STYK1: variants seen among roughly 807,000 people sequenced by gnomAD.
STYK1 encodes STY kinase 1.
STYK1 carries 46 observed loss-of-function variants against 48.1 expected under a neutral mutation model. The ratio of observed to expected loss-of-function variants is 0.96; its 90% CI spans 0.75 to 1.22. The LOEUF is 1.22. STYK1 is among the 50% of genes most tolerant of loss of function. The pLI is 0.00. For missense variants in STYK1, 527 were observed against 521.1 expected, an observed-to-expected ratio of 1.01 and a Z score of -0.11; for synonymous variants, 188 against 189.0, an observed-to-expected ratio of 0.99 and a Z score of 0.04.
chr12:10,671,031 T>C (rs953179850), intron 1 of STYK1, among the ~76,000 whole-genome samples: 1 of 137,058 alleles, frequency 7.3e-6, no homozygotes, highest in East Asian at 2.3e-4. Context: ...AGTCTGGCTC[T>C]GTCGCCCAGG....
intron 1 of STYK1, among the ~76,000 whole-genome samples, chr12:10,656,582 G>A (rs1031761572): frequency 5.3e-5 from 8 of 152,168 alleles, no homozygotes; most frequent in Middle Eastern, 6.8e-3. Flanking sequence ...CCGAGATCAC[G>A]TCACTGCACT....
At chr12:10,655,076 C>T (rs182447918) in intron 1 of STYK1, among the ~76,000 whole-genome samples, 1 of 152,112 alleles carries the variant, frequency 6.6e-6, no homozygotes, top group Non-Finnish European at 1.5e-5. Flanking sequence ...TCTCTTGCAA[C>T]GTTTTAATTA....
intron 4 of STYK1, among the ~76,000 whole-genome samples, chr12:10,633,469 G>A (rs1947451218): frequency 6.6e-6 from 1 of 152,126 alleles, no homozygotes. Context: ...TTTACCCTGA[G>A]TTTCATCTGT....
intron 1 of STYK1, among the ~76,000 whole-genome samples, chr12:10,665,042 G>A (rs538701673): frequency 2.0e-5 from 3 of 152,176 alleles, no homozygotes; most frequent in Middle Eastern, 3.2e-3. Flanking sequence ...TAATTAGACT[G>A]TCCCTAAGTA....
intron 4 of STYK1, among the ~76,000 whole-genome samples, chr12:10,631,626 T>C (rs1947430351): frequency 6.6e-6 from 1 of 152,210 alleles, no homozygotes; most frequent in Non-Finnish European, 1.5e-5. Flanking sequence ...GGGAAGTTAC[T>C]GAATAGGTAT....
chr12:10,653,236 C>T (rs915648842), intron 1 of STYK1, among the ~76,000 whole-genome samples: 30 of 104,134 alleles, frequency 2.9e-4, no homozygotes, highest in African/African-American at 7.8e-4. Flanking sequence ...CCATGCCCAG[C>T]TAATTTTTTT....
Position 10,624,754 on chromosome 12 carries a change from C to A in STYK1, c.823G>T (p.Glu275Ter). 1 of 1,614,112 alleles carries A rather than the reference C, an allele frequency of 6.2e-7. No individual in the cohort carries two copies. The highest frequency in any genetic ancestry group is 2.2e-5 in the East Asian group (1 of 44,850). Residue 275 changes from glutamate to a stop codon, truncating the protein, a stop_gained, in exon 8 of 11, where the codon GAA (glutamate) becomes TAA (stop). Coordinates refer to ENST00000075503, the MANE Select transcript of STYK1 (RefSeq NM_018423.3). LOFTEE classifies it high-confidence loss of function. Reference sequence around the variant, plus strand: ...GAGATGGCCCCTCGGGTGTAAACTTCATAAGCCAGGCCTAATCCACAGAGC... The same window carrying A: ...GAGATGGCCCCTCGGGTGTAAACTTAATAAGCCAGGCCTAATCCACAGAGC... ...AKLCGLGLAY[E>*]VYTRGAISST...
At chr12:10,652,084 T>C (rs73265915) in intron 1 of STYK1, among the ~76,000 whole-genome samples, 2,265 of 152,316 alleles carry the variant, frequency 0.015, 63 homozygotes, top group African/African-American at 0.052. Context: ...AGGAACCAGG[T>C]ATTGAGATTT....
chr12:10,636,313 T>C (rs1947485183), intron 2 of STYK1, among the ~76,000 whole-genome samples: 1 of 152,214 alleles, frequency 6.6e-6, no homozygotes, highest in Non-Finnish European at 1.5e-5. Flanking sequence ...GAAACAAAAC[T>C]GTGCAGTTGG....
chr12:10,652,267 A>T (rs946669078), intron 1 of STYK1, among the ~76,000 whole-genome samples: 3 of 152,014 alleles, frequency 2.0e-5, no homozygotes, highest in Admixed American at 6.5e-5. Context: ...TCTCACACAC[A>T]TTCTTTCTCT....
chr12:10,636,850 T>C (rs925693138), intron 2 of STYK1, among the ~76,000 whole-genome samples: 2 of 152,174 alleles, frequency 1.3e-5, no homozygotes, highest in African/African-American at 2.4e-5. Context: ...CTCAGACTCA[T>C]GAGCTCGGCC....
intron 3 of STYK1, 141 bp from the exon 4 acceptor site, chr12:10,634,265 C>T (rs1947461802): frequency 9.7e-7 from 1 of 1,027,654 alleles, no homozygotes; most frequent in East Asian, 2.4e-5. Context: ...TTCCATTCAA[C>T]AGAAACACTG....
intron 4 of STYK1, among the ~76,000 whole-genome samples, chr12:10,632,521 A>G (rs1363148143): frequency 6.6e-6 from 1 of 152,158 alleles, no homozygotes; most frequent in Non-Finnish European, 1.5e-5. Context: ...AGGCCATGGA[A>G]AAAATTTTGT....
chr12:10,620,305 G>A lies in STYK1; in HGVS notation c.1108C>T (p.Arg370Cys), dbSNP rs775598308. 6 of 1,613,578 alleles carry A rather than the reference G, an allele frequency of 3.7e-6. No individual in the cohort carries two copies. The African/African-American group carries it at 4.0e-5, about 11-fold the overall frequency. Residue 370 changes from arginine to cysteine, a missense_variant, in exon 11 of 11, where the codon CGC becomes TGC. Physicochemically the swap from Arg to Cys is radical, Grantham distance 180 (BLOSUM62 -3). Transcript: ENST00000075503. The part of the protein sequence containing the change: ...KSCWRWREAD[R>C]PSPRELRLRL... ...AAGCGCAGCTCTCTAGGTGAGGGGCGGTCAGCCTCACGCCAGCGCCAGCAG... is the reference window on the plus strand; with the variant it reads ...AAGCGCAGCTCTCTAGGTGAGGGGCAGTCAGCCTCACGCCAGCGCCAGCAG...
At chr12:10,666,002 G>A (rs1253798696) in intron 1 of STYK1, among the ~76,000 whole-genome samples, 1 of 152,180 alleles carries the variant, frequency 6.6e-6, no homozygotes, top group Non-Finnish European at 1.5e-5. Context: ...TCAGCATTCC[G>A]TTTGCCTCTC....
intron 1 of STYK1, among the ~76,000 whole-genome samples, chr12:10,654,413 C>A (rs1291225741): frequency 3.3e-5 from 5 of 152,048 alleles, no homozygotes; most frequent in Admixed American, 3.3e-4. Flanking sequence ...TAGCAATATC[C>A]AAGAACCCTC....
intron 2 of STYK1, among the ~76,000 whole-genome samples, chr12:10,635,357 G>A (rs577334303): frequency 7.2e-5 from 11 of 152,254 alleles, no homozygotes; most frequent in South Asian, 2.1e-4. Flanking sequence ...GACAGATGTC[G>A]AAGGATATGA....
rs1009512624 is a variant in STYK1 at position 10,634,211 on chromosome 12, C to T, written c.53-87G>A. On this transcript the variant is annotated intron_variant, in intron 3 of 10. Transcript: ENST00000075503. Reference sequence around the variant, plus strand: ...ATTTCCCCTACCCGCCAGCTCTCAGCTCATCATACATGAAAAGGTCATCTC... The same window carrying T: ...ATTTCCCCTACCCGCCAGCTCTCAGTTCATCATACATGAAAAGGTCATCTC... The T allele has an allele frequency of 2.1e-6, 3 of 1,460,314 alleles. No homozygotes were observed. In the African/African-American group the frequency reaches 4.2e-5, roughly 21 times the overall value. The allele number at this position is 1,460,314 out of a possible 1,614,324, so 90.5% of individuals were successfully genotyped here. A position where few individuals can be genotyped will look rare whatever the true frequency, so the allele number is the denominator to read the frequency against.
chr12:10,665,684 A>G (rs1447441980), intron 1 of STYK1, among the ~76,000 whole-genome samples: 2 of 152,194 alleles, frequency 1.3e-5, no homozygotes, highest in African/African-American at 4.8e-5. Context: ...GCCTCTGCCA[A>G]TCTCTACCAG....
Sources: gnomAD v4.1 joint callset for allele counts (sites outside exome capture counted in the v4.1 genomes callset) on GRCh38, gnomAD v4.1.1 for gene constraint, MANE v1.5 for transcripts, NCBI Gene and HGNC (gene_info 2026-07-23, HGNC 2026-07-21) for gene names.